Variants in FGF14 observed in about 807,000 individuals in gnomAD.
The protein encoded by FGF14 is fibroblast growth factor 14.
FGF14 carries 5 observed loss-of-function variants against 25.5 expected under a neutral mutation model. The ratio of observed to expected loss-of-function variants is 0.20; its 90% CI spans 0.10 to 0.41. FGF14 has a LOEUF of 0.41. FGF14 is among the 10% of genes least tolerant of loss of function. FGF14 has a pLI of 1.00. For synonymous variants in FGF14, 138 were observed against 118.3 expected, an observed-to-expected ratio of 1.17 and a Z score of -1.08; for missense variants, 222 against 320.1, an observed-to-expected ratio of 0.69 and a Z score of 2.34.
intron 3 of FGF14, among the ~76,000 whole-genome samples, chr13:101,747,086 G>T (rs191330050): frequency 6.6e-6 from 1 of 151,932 alleles, no homozygotes; most frequent in Non-Finnish European, 1.5e-5. Flanking sequence ...GTGGTATGTT[G>T]AGCATTGTCA....
intron 1 of FGF14, among the ~76,000 whole-genome samples, chr13:102,328,282 T>C (rs2056525983): frequency 6.6e-6 from 1 of 152,220 alleles, no homozygotes; most frequent in Non-Finnish European, 1.5e-5. Flanking sequence ...ATTTTGACCA[T>C]TAACTATGTA....
chr13:102,198,086 G>A (rs1377545441), intron 1 of FGF14, among the ~76,000 whole-genome samples: 2 of 152,106 alleles, frequency 1.3e-5, no homozygotes, highest in South Asian at 2.1e-4. Context: ...CCGCCCTGGC[G>A]CAGAGTTGTC....
chr13:101,968,375 A>T (rs1003704733), intron 1 of FGF14, among the ~76,000 whole-genome samples: 2 of 151,860 alleles, frequency 1.3e-5, no homozygotes, highest in Admixed American at 1.3e-4. Context: ...TGAACACATT[A>T]AAAAAAATAC....
intron 1 of FGF14, among the ~76,000 whole-genome samples, chr13:101,939,758 T>C (rs1037931565): frequency 1.3e-5 from 2 of 152,212 alleles, no homozygotes; most frequent in African/African-American, 4.8e-5. Context: ...AAGGATTCAA[T>C]ATGGACATTC....
At chr13:102,070,690 A>G (rs1215787588) in intron 1 of FGF14, among the ~76,000 whole-genome samples, 4 of 152,228 alleles carry the variant, frequency 2.6e-5, no homozygotes. Context: ...AAATTCTAAC[A>G]GCAATATTTT....
intron 3 of FGF14, among the ~76,000 whole-genome samples, chr13:101,727,689 A>T (rs2035533323): frequency 6.6e-6 from 1 of 152,138 alleles, no homozygotes; most frequent in South Asian, 2.1e-4. Flanking sequence ...CCAAATAAAT[A>T]AAAAATTAAT....
intron 1 of FGF14, among the ~76,000 whole-genome samples, chr13:102,304,763 C>T (rs2055278571): frequency 6.6e-6 from 1 of 152,180 alleles, no homozygotes; most frequent in African/African-American, 2.4e-5. Context: ...CTCCTGCCAA[C>T]AACCAGCACC....
chr13:101,924,941 G>A (rs2034264513), intron 1 of FGF14, among the ~76,000 whole-genome samples: 1 of 152,122 alleles, frequency 6.6e-6, no homozygotes, highest in Non-Finnish European at 1.5e-5. Context: ...ATGGGTGTAG[G>A]ATTATCTGAT....
intron 1 of FGF14, among the ~76,000 whole-genome samples, chr13:101,880,302 T>C (rs2045630578): frequency 6.6e-6 from 1 of 152,184 alleles, no homozygotes; most frequent in African/African-American, 2.4e-5. Context: ...GCACAGTGGC[T>C]CACGCCTGTA....
chr13:102,307,110 T>C (rs901114994), intron 1 of FGF14, among the ~76,000 whole-genome samples: 2 of 152,088 alleles, frequency 1.3e-5, no homozygotes, highest in Non-Finnish European at 2.9e-5. Flanking sequence ...ATGAATTCGA[T>C]GTAGCAGAGC....
intron 3 of FGF14, among the ~76,000 whole-genome samples, chr13:101,814,731 A>G (rs1210313577): frequency 6.6e-6 from 1 of 152,228 alleles, no homozygotes; most frequent in Admixed American, 6.5e-5. Context: ...AGGTAAACCT[A>G]CAGGGATCAG....
Position 102,094,366 on chromosome 13 carries a change from T to C in FGF14, c.209-219070A>G, listed in dbSNP as rs532322569. On this transcript the variant is annotated intron_variant, in intron 1 of 4. Coordinates refer to the FGF14 transcript ENST00000376131. ...TAGGAAGAGATTTGTTTTAAAAATA[T>C]GAAGATAACAAGAGAAGCTGTATCT... 1.3e-4 allele frequency among the ~76,000 whole-genome samples: 20 copies of C among 152,288 alleles called. No homozygotes were observed. In the South Asian group the frequency reaches 3.7e-3, roughly 28 times the overall value.
intron 1 of FGF14, among the ~76,000 whole-genome samples, chr13:101,962,902 T>C (rs1163752501): frequency 2.0e-5 from 3 of 152,248 alleles, no homozygotes; most frequent in Non-Finnish European, 1.5e-5. Flanking sequence ...TGTAAACTGC[T>C]TGCACCTGCA....
intron 2 of FGF14, among the ~76,000 whole-genome samples, chr13:101,869,128 C>G (rs1008759743): frequency 5.9e-5 from 9 of 152,156 alleles, no homozygotes; most frequent in Non-Finnish European, 1.5e-5. Flanking sequence ...TCTCTGACAC[C>G]ATTAGATACC....
rs978334623 is a variant in FGF14, at chr13:102,158,544, A to G, written c.208+242927T>C. Among the ~76,000 whole-genome samples the G allele has an allele frequency of 8.6e-4, 116 of 134,462 alleles. 2 individuals carry two copies. The East Asian group carries it at 0.05, about 58-fold the overall frequency. 88.2% of individuals were successfully genotyped at this position (134,462 alleles called of 152,430 possible). A position where few individuals can be genotyped will look rare whatever the true frequency, so the allele number is the denominator to read the frequency against. ...GTGGGGTGGGGGTAGCGGGGGGGGG[A>G]TACATTAGGAGATATACCTAATGTT... On this transcript the variant is annotated intron_variant, in intron 1 of 4. Transcript: ENST00000376131.
At chr13:102,362,777 G>C (rs1229846962) in intron 1 of FGF14, among the ~76,000 whole-genome samples, 1 of 151,534 alleles carries the variant, frequency 6.6e-6, no homozygotes, top group African/African-American at 2.4e-5. Context: ...TTTTATTTTG[G>C]TATTCATTTC....
chr13:101,963,461 T>C (rs183337922), intron 1 of FGF14, among the ~76,000 whole-genome samples: 56 of 152,316 alleles, frequency 3.7e-4, no homozygotes, highest in Admixed American at 3.2e-3. Context: ...TCACCCTTTT[T>C]TCCCCCTATG....
chr13:101,789,411 G>A (rs750396467), intron 3 of FGF14, among the ~76,000 whole-genome samples: 3 of 152,124 alleles, frequency 2.0e-5, no homozygotes, highest in Admixed American at 6.6e-5. Context: ...GGTTAGTCCT[G>A]TGAGATTTGG....
chr13:101,861,766 A>C (rs2044430997), intron 3 of FGF14, among the ~76,000 whole-genome samples: 1 of 152,064 alleles, frequency 6.6e-6, no homozygotes, highest in Non-Finnish European at 1.5e-5. Flanking sequence ...AAGAAAACGC[A>C]ATGACAAATG....
Sources: allele counts gnomAD v4.1 joint callset (sites outside exome capture counted in the v4.1 genomes callset), GRCh38; gene constraint gnomAD v4.1.1; transcripts MANE v1.5; gene names NCBI Gene and HGNC (gene_info 2026-07-23, HGNC 2026-07-21).